Variants in SP4 observed in about 807,000 individuals in gnomAD.
The protein encoded by SP4 is Sp4 transcription factor, also known as transcription factor Sp4.
In SP4, 19 loss-of-function variants were observed where a neutral mutation model predicts 72.8. The ratio of observed to expected loss-of-function variants is 0.26; its 90% CI spans 0.18 to 0.38. The LOEUF (loss-of-function observed/expected upper bound fraction) is 0.38. Ranked by LOEUF, SP4 falls within the 10% of genes least tolerant of loss-of-function variation. SP4 has a pLI of 1.00. For synonymous variants in SP4, 395 were observed against 333.1 expected (o/e 1.19, Z -2.02); for missense variants, 1,008 against 926.3 (o/e 1.09, Z -1.14).
chr7:21,450,753 A>G (rs925716812), intron 3 of SP4, among the ~76,000 whole-genome samples: 6 of 152,220 alleles, frequency 3.9e-5, no homozygotes, highest in African/African-American at 7.2e-5. Flanking sequence ...CTAGAATTGC[A>G]TGTCATTTTG....
rs749840876 is a variant in SP4, at chr7:21,514,046, C to G, written c.*2777C>G. On this transcript the variant is annotated 3_prime_UTR_variant, in exon 6 of 6. Transcript: ENST00000222584. Reference sequence around the variant, plus strand: ...CATTCCCTTTACCACCGTTATAAAACTTTTCTTTATTGTAATTATCAGTGC... The same window carrying G: ...CATTCCCTTTACCACCGTTATAAAAGTTTTCTTTATTGTAATTATCAGTGC... 6.6e-6 allele frequency: 1 copy of G among 152,520 alleles called. No individual in the cohort carries two copies. Among genetic ancestry groups the G allele is most frequent in the Admixed American group, 6.6e-5 (1 of 15,266 alleles). The allele number at this position is 152,520 out of a possible 1,614,324, so 9.4% of individuals were successfully genotyped here.
At chr7:21,444,498 C>T (rs77815551) in intron 3 of SP4, among the ~76,000 whole-genome samples, 6,957 of 152,222 alleles carry the variant, frequency 0.046, 238 homozygotes, top group Non-Finnish European at 0.07. Context: ...ATAATTTGCT[C>T]ATGGCCACAT....
intron 5 of SP4, among the ~76,000 whole-genome samples, chr7:21,487,272 C>T (rs1175755448): frequency 6.6e-6 from 1 of 152,064 alleles, no homozygotes; most frequent in East Asian, 1.9e-4. Context: ...TTTCATAATG[C>T]TGTATCTGAG....
intron 3 of SP4, among the ~76,000 whole-genome samples, chr7:21,472,814 C>G (rs1487378899): frequency 6.6e-6 from 1 of 151,506 alleles, no homozygotes; most frequent in Non-Finnish European, 1.5e-5. Flanking sequence ...CAAAAAGGAG[C>G]TAACAGAGAA....
At chr7:21,429,240 C>A in intron 2 of SP4, 49 bp from the exon 3 acceptor site, 2 of 1,096,292 alleles carry the variant, frequency 1.8e-6, no homozygotes, top group Non-Finnish European at 2.6e-6. Context: ...ACTAAATCCG[C>A]CCACTTTTTT....
intron 5 of SP4, among the ~76,000 whole-genome samples, chr7:21,491,242 A>T (rs1438459973): frequency 5.9e-5 from 9 of 152,206 alleles, no homozygotes; most frequent in Non-Finnish European, 1.5e-5. Context: ...CTAAATAGAA[A>T]TTTTAGATTT....
At chr7:21,442,033 TGTGTA>T (rs1324795592) in intron 3 of SP4, among the ~76,000 whole-genome samples, 11 of 40,462 alleles carry the variant, frequency 2.7e-4, no homozygotes, top group East Asian at 1.3e-3. Flanking sequence ...TGTGTGTGTG[TGTGTA>T]TTTTTTTTTT....
At position 21,428,263 on chromosome 7, in the gene SP4, G is replaced by A. The variant is rs1204550859; in HGVS notation, c.7+5G>A. 2.0e-6 allele frequency: 3 copies of A among 1,504,924 alleles called. No homozygotes were observed. The highest frequency in any genetic ancestry group is 2.7e-6 in the Non-Finnish European group (3 of 1,108,178). The allele number at this position is 1,504,924 out of a possible 1,614,324, so 93.2% of individuals were successfully genotyped here. On this transcript the variant is annotated splice_donor_5th_base_variant and intron_variant, in intron 1 of 5. Transcript: ENST00000222584. The stretch of plus-strand genomic sequence containing the variant: ...CCTGTTAATGCGGGATGAGCGGTAC[G>A]TATTCTCCACCCCCCTCAGTCTCCT...
chr7:21,475,937 A>G (rs1339315344), intron 3 of SP4, among the ~76,000 whole-genome samples: 1 of 152,132 alleles, frequency 6.6e-6, no homozygotes, highest in Non-Finnish European at 1.5e-5. Context: ...CCCACACCTG[A>G]TGGAGAGAAT....
At chr7:21,456,124 T>A (rs1226317597) in intron 3 of SP4, among the ~76,000 whole-genome samples, 3 of 152,140 alleles carry the variant, frequency 2.0e-5, no homozygotes, top group African/African-American at 7.2e-5. Flanking sequence ...TTATTGGCCC[T>A]CTTGACCTAA....
chr7:21,459,816 T>C (rs1260496017), intron 3 of SP4, among the ~76,000 whole-genome samples: 3 of 152,256 alleles, frequency 2.0e-5, no homozygotes, highest in South Asian at 2.1e-4. Flanking sequence ...TTGGGACTTA[T>C]TCCTTAAATT....
intron 3 of SP4, among the ~76,000 whole-genome samples, chr7:21,470,429 G>A (rs1311875866): frequency 2.6e-5 from 4 of 152,160 alleles, no homozygotes; most frequent in Non-Finnish European, 5.9e-5. Flanking sequence ...TAGGGAGCTA[G>A]GTATACCAAA....
At chr7:21,462,550 A>G (rs1001569645) in intron 3 of SP4, among the ~76,000 whole-genome samples, 2 of 152,042 alleles carry the variant, frequency 1.3e-5, no homozygotes, top group Admixed American at 6.6e-5. Flanking sequence ...AGCTAATAGT[A>G]TGTTGAAAGT....
intron 3 of SP4, among the ~76,000 whole-genome samples, chr7:21,435,740 G>A (rs949050079): frequency 6.6e-5 from 10 of 151,938 alleles, no homozygotes; most frequent in Non-Finnish European, 1.3e-4. Flanking sequence ...TATTCAATAC[G>A]AATGACTTAG....
chr7:21,428,852 G>A, intron 2 of SP4, 60 bp downstream of exon 2: 1 of 1,295,222 alleles, frequency 7.7e-7, no homozygotes, highest in Non-Finnish European at 1.1e-6. Flanking sequence ...AGGGAGTTAT[G>A]CCCTTTGAAT....
At chr7:21,451,979 T>C (rs1166080679) in intron 3 of SP4, among the ~76,000 whole-genome samples, 1 of 152,186 alleles carries the variant, frequency 6.6e-6, no homozygotes, top group Non-Finnish European at 1.5e-5. Flanking sequence ...TGCCCAGAAT[T>C]AGAATATTGA....
At position 21,428,202 on chromosome 7, in the gene SP4, C is replaced by CCCCCCCAAAAA; in HGVS notation, c.-49_-48insCCCCCAAAAAC. ...CCTCCCGCCTCGCCCCCACCCCCAC[C>CCCCCCCAAAAA]CACCTCTATCCCAGTGTCTCCGTCT... On this transcript the variant is annotated 5_prime_UTR_variant, in exon 1 of 6. Transcript: ENST00000222584. 1 of 1,206,790 alleles carries CCCCCCCAAAAA rather than the reference C, an allele frequency of 8.3e-7. No homozygotes were observed. The allele number at this position is 1,206,790 out of a possible 1,614,324, so 74.8% of individuals were successfully genotyped here.
intron 3 of SP4, among the ~76,000 whole-genome samples, chr7:21,456,709 A>C (rs1405729130): frequency 3.3e-5 from 5 of 152,218 alleles, no homozygotes; most frequent in Non-Finnish European, 7.3e-5. Flanking sequence ...AGCCGATTTT[A>C]GTTGAAAAAG....
At position 21,512,546 on chromosome 7, in the gene SP4, T is replaced by C. The variant is rs1782175918; in HGVS notation, c.*1277T>C. 6.6e-6 allele frequency: 1 copy of C among 150,474 alleles called. No homozygotes were observed. Among genetic ancestry groups the C allele is most frequent in the African/African-American group, 2.5e-5 (1 of 40,638 alleles). The allele number at this position is 150,474 out of a possible 1,614,324, so 9.3% of individuals were successfully genotyped here. A position where few individuals can be genotyped will look rare whatever the true frequency, so the allele number is the denominator to read the frequency against. ...AACTATATTATTGTTTATGCAAGGG[T>C]CTTACAGGAAAGGGTCTTTTTTTTT... is the stretch of plus-strand genomic sequence containing the variant. On this transcript the variant is annotated 3_prime_UTR_variant, in exon 6 of 6. Transcript: ENST00000222584.
Sources: gnomAD v4.1 joint callset for allele counts (sites outside exome capture counted in the v4.1 genomes callset) on GRCh38, gnomAD v4.1.1 for gene constraint, MANE v1.5 for transcripts, NCBI Gene and HGNC (gene_info 2026-07-23, HGNC 2026-07-21) for gene names.